The following HACL1 variants were observed in gnomAD, a reference collection of about 807,000 sequenced individuals.
The protein encoded by HACL1 is 2-hydroxyacyl-CoA lyase 1, also known as 1600020H07Rik.
Under a neutral mutation model 74.2 loss-of-function variants are expected in HACL1, and 64 were observed. The observed-to-expected ratio is 0.86, with a 90% CI of 0.70 to 1.06. The LOEUF is 1.06. Ranked by LOEUF, HACL1 falls within the 50% of genes least tolerant of loss-of-function variation. The pLI is 0.00. For missense variants in HACL1, 728 were observed against 719.7 expected, an observed-to-expected ratio of 1.01 and a Z score of -0.13; for synonymous variants, 230 against 238.8, an observed-to-expected ratio of 0.96 and a Z score of 0.34.
chr3:15,572,175 G>A (rs2063547375), intron 11 of HACL1, among the ~76,000 whole-genome samples: 2 of 152,000 alleles, frequency 1.3e-5, no homozygotes, highest in Admixed American at 1.3e-4. Context: ...ATATTAACAC[G>A]GAAGTATCTT....
At position 15,570,634 on chromosome 3, in the gene HACL1, GCA is replaced by G. The variant is rs111413291; in HGVS notation, c.1095+1032_1095+1033del. 6.1e-3 allele frequency among the ~76,000 whole-genome samples: 905 copies of G among 147,992 alleles called. 4 individuals are homozygous for G. Among genetic ancestry groups the G allele is most frequent in the African/African-American group, 0.019 (747 of 40,376 alleles). On this transcript the variant is annotated intron_variant, in intron 12 of 16. Coordinates refer to ENST00000321169, the MANE Select transcript of HACL1 (RefSeq NM_012260.4). Reference sequence around the variant, plus strand: ...TAGGGAAAGCACAATACACACACATGCACACACACACACACACACTTTACTAG... The same window carrying G: ...TAGGGAAAGCACAATACACACACATGCACACACACACACACACTTTACTAG...
chr3:15,582,833 C>T (rs1435057786), intron 8 of HACL1, 44 bp downstream of exon 8: 2 of 923,664 alleles, frequency 2.2e-6, no homozygotes, highest in African/African-American at 3.3e-5. Context: ...AAAGAATTGG[C>T]ACTTTCAAAA....
chr3:15,600,753 T>C (rs2064199205), intron 2 of HACL1: 1 of 328,356 alleles, frequency 3.0e-6, no homozygotes, highest in Non-Finnish European at 5.8e-6. Flanking sequence ...ATGGAGCTTG[T>C]AGCCTAATAG....
At chr3:15,599,850 G>A (rs1294040829) in intron 2 of HACL1, among the ~76,000 whole-genome samples, 8 of 152,180 alleles carry the variant, frequency 5.3e-5, no homozygotes, top group African/African-American at 1.2e-4. Flanking sequence ...ACAGTACTTA[G>A]TCAATAAATG....
Position 15,601,302 on chromosome 3 carries a change from A to G in HACL1, c.81+81T>C, listed in dbSNP as rs531917506. On this transcript the variant is annotated intron_variant, in intron 1 of 16. Coordinates refer to ENST00000321169, the MANE Select transcript of HACL1 (RefSeq NM_012260.4). The stretch of plus-strand genomic sequence containing the variant: ...GAAAACCCCCCGACCCCCATCGCCC[A>G]TTTCTACTCGTCTCCAAGACAACAT... 5 of 1,594,026 alleles carry G rather than the reference A, an allele frequency of 3.1e-6. No homozygotes were observed. In the African/African-American group the frequency reaches 6.7e-5, roughly 21 times the overall value.
At chr3:15,600,784 A>C (rs1035712508) in intron 2 of HACL1, 2 of 414,044 alleles carry the variant, frequency 4.8e-6, no homozygotes, top group South Asian at 3.2e-5. Context: ...CTTTACTCAT[A>C]AACTGTCCAT....
At chr3:15,582,291 T>G (rs1291981499) in intron 8 of HACL1, among the ~76,000 whole-genome samples, 1 of 152,172 alleles carries the variant, frequency 6.6e-6, no homozygotes, top group Non-Finnish European at 1.5e-5. Flanking sequence ...CCCTCTAACT[T>G]TTCTTTCTAG....
chr3:15,589,817 T>C (rs763983401), intron 4 of HACL1, among the ~76,000 whole-genome samples: 2 of 152,052 alleles, frequency 1.3e-5, no homozygotes, highest in Non-Finnish European at 2.9e-5. Flanking sequence ...GGTGGATCAC[T>C]TGAAATCAGG....
chr3:15,573,460 T>C (rs1233063052), intron 10 of HACL1, among the ~76,000 whole-genome samples: 2 of 152,258 alleles, frequency 1.3e-5, no homozygotes, highest in African/African-American at 4.8e-5. Context: ...TTTAAAAATC[T>C]ACTCTATGGA....
Position 15,601,006 on chromosome 3 carries a change from G to T in HACL1, c.186+84C>A, listed in dbSNP as rs931795228. 5 of 803,410 alleles carry T rather than the reference G, an allele frequency of 6.2e-6. No individual in the cohort carries two copies. The East Asian group carries it at 1.2e-4, about 20-fold the overall frequency. The allele number at this position is 803,410 out of a possible 1,614,324, so 49.8% of individuals were successfully genotyped here. On this transcript the variant is annotated intron_variant, in intron 2 of 16. Transcript: ENST00000321169. ...GTAAAGTAGCAGAAGAGTGGTAAGC[G>T]CTATCTGGGTGTTTGCAATGCATAC...
chr3:15,598,621 C>G (rs1227477137), intron 2 of HACL1, among the ~76,000 whole-genome samples: 1 of 152,230 alleles, frequency 6.6e-6, no homozygotes, highest in Non-Finnish European at 1.5e-5. Flanking sequence ...AACTTGCTGA[C>G]AATCTGCCTA....
At position 15,592,443 on chromosome 3, in the gene HACL1, TATAC is replaced by T. The variant is rs1436274211; in HGVS notation, c.228-767_228-764del. Among the ~76,000 whole-genome samples, 50 of 142,436 alleles carry T rather than the reference TATAC, an allele frequency of 3.5e-4. 1 individual carries two copies. The highest frequency in any genetic ancestry group is 1.2e-3 in the African/African-American group (44 of 36,332). The allele number at this position is 142,436 out of a possible 152,430, so 93.4% of individuals were successfully genotyped here. A position where few individuals can be genotyped will look rare whatever the true frequency, so the allele number is the denominator to read the frequency against. On this transcript the variant is annotated intron_variant, in intron 3 of 16. Transcript: ENST00000321169. The stretch of plus-strand genomic sequence containing the variant: ...ACACACGTATGCATGTAGACACACG[TATAC>T]ATACACACACGTATACATACACACA...
At chr3:15,587,461 G>A (rs1007258471) in intron 5 of HACL1, among the ~76,000 whole-genome samples, 3 of 138,630 alleles carry the variant, frequency 2.2e-5, no homozygotes, top group East Asian at 4.3e-4. Context: ...ATCACCCTCC[G>A]ATTTTCAGTC....
intron 7 of HACL1, 25 bp downstream of exon 7, chr3:15,585,223 G>A: frequency 1.8e-6 from 2 of 1,122,748 alleles, no homozygotes; most frequent in Admixed American, 3.4e-5. Flanking sequence ...ATTGAAGAAA[G>A]AATTCCAGCA....
chr3:15,595,829 T>A (rs1301167201), intron 3 of HACL1: 1 of 152,202 alleles, frequency 6.6e-6, no homozygotes, highest in Non-Finnish European at 1.5e-5. Flanking sequence ...CAAGCTGGTC[T>A]CAAACTCCTG....
chr3:15,591,703 T>C, intron 3 of HACL1, 23 bp from the exon 4 acceptor site: 3 of 1,515,508 alleles, frequency 2.0e-6, no homozygotes, highest in Non-Finnish European at 2.7e-6. Flanking sequence ...CAGAATTTAT[T>C]AAAATCAGGT....
intron 14 of HACL1, among the ~76,000 whole-genome samples, 193 bp downstream of exon 14, chr3:15,567,651 G>A (rs1205461373): frequency 6.6e-6 from 1 of 152,200 alleles, no homozygotes; most frequent in African/African-American, 2.4e-5. Flanking sequence ...CATACAGTGA[G>A]GAGGCCAGAA....
chr3:15,579,840 A>T (rs2063690984), intron 9 of HACL1, 70 bp downstream of exon 9: 3 of 1,085,238 alleles, frequency 2.8e-6, no homozygotes, highest in Non-Finnish European at 4.0e-6. Context: ...CTAGATGAAG[A>T]TCACAAAATA....
intron 14 of HACL1, among the ~76,000 whole-genome samples, chr3:15,564,997 T>A (rs1328278088): frequency 6.6e-6 from 1 of 152,004 alleles, no homozygotes; most frequent in Non-Finnish European, 1.5e-5. Context: ...AAACCCCGTC[T>A]CTACTAAAAA....
Sources: allele counts gnomAD v4.1 joint callset (sites outside exome capture counted in the v4.1 genomes callset), GRCh38; gene constraint gnomAD v4.1.1; transcripts MANE v1.5; gene names NCBI Gene and HGNC (gene_info 2026-07-23, HGNC 2026-07-21).